The following PC variants were observed in gnomAD, a reference collection of about 807,000 sequenced individuals.
PC encodes the protein pyruvate carboxylase, also known as pyruvate carboxylase, mitochondrial.
A neutral mutation model predicts 107.8 loss-of-function variants in PC; 46 were observed. That is an observed-to-expected ratio of 0.43 (90% CI 0.34 to 0.55). The LOEUF is 0.55. Among genes scored for constraint, PC ranks in the 20% least tolerant of loss-of-function variants. The pLI is 0.04. For missense variants in PC, 1,241 were observed against 1,643.1 expected (o/e 0.76, Z 4.23); for synonymous variants, 662 against 684.7 (o/e 0.97, Z 0.52).
At chr11:66,924,369 CAAA>C (rs71045970) in intron 3 of PC, among the ~76,000 whole-genome samples, 3 of 65,558 alleles carry the variant, frequency 4.6e-5, no homozygotes, top group South Asian at 5.1e-4. Flanking sequence ...CCATCTCTAC[CAAA>C]AAAAAAAAAA....
intron 13 of PC, 86 bp downstream of exon 13, chr11:66,853,153 G>C (rs1945607008): frequency 6.6e-7 from 1 of 1,504,328 alleles, no homozygotes; most frequent in African/African-American, 1.4e-5. Context: ...GAGTTCTTTG[G>C]TCATGGGGAG....
At chr11:66,894,651 T>G (rs1035552890) in intron 3 of PC, among the ~76,000 whole-genome samples, 13 of 152,188 alleles carry the variant, frequency 8.5e-5, no homozygotes, top group Admixed American at 5.2e-4. Flanking sequence ...GCCAGGGAAC[T>G]GCAGCTCCAG....
At chr11:66,928,261 C>T (rs1004817318) in intron 3 of PC, among the ~76,000 whole-genome samples, 1 of 151,940 alleles carries the variant, frequency 6.6e-6, no homozygotes, top group African/African-American at 2.4e-5. Flanking sequence ...GTGGTGGACA[C>T]CTGTAGTCCC....
intron 3 of PC, among the ~76,000 whole-genome samples, chr11:66,909,447 C>A (rs1461299052): frequency 6.6e-6 from 1 of 152,214 alleles, no homozygotes; most frequent in African/African-American, 2.4e-5. Flanking sequence ...CTGCCGCTCC[C>A]CCCCGAAGAG....
chr11:66,859,536 C>T lies in PC; in HGVS notation c.1368+4238G>A, dbSNP rs1163652512. 27 of 1,557,692 alleles carry T rather than the reference C, an allele frequency of 1.7e-5. No individual in the cohort carries two copies. The East Asian group carries it at 5.4e-4, about 31-fold the overall frequency. On this transcript the variant is annotated intron_variant, in intron 12 of 22. Transcript: ENST00000393960. ...GAGTGAACCCAAGAGCCCGAGTGGC[C>T]CCAGGGGGAGGGGTGTTTGGAGCTG...
In PC at chr11:66,874,107, C is replaced by G. The variant is rs572129201; in HGVS notation, c.1-1948G>C. ...CCCGAGTAGCTGGAATTACAGGCAC[C>G]CGCCACCACGCCCAGCTAATTTTTG... On this transcript the variant is annotated intron_variant, in intron 3 of 22. Coordinates refer to ENST00000393960, the MANE Select transcript of PC (RefSeq NM_001040716.2). 3.9e-5 allele frequency among the ~76,000 whole-genome samples: 6 copies of G among 152,202 alleles called. No homozygotes were observed. In the South Asian group the frequency reaches 1.0e-3, roughly 26 times the overall value.
intron 3 of PC, among the ~76,000 whole-genome samples, chr11:66,873,384 A>AT (rs1362596861): frequency 9.4e-6 from 1 of 106,108 alleles, no homozygotes; most frequent in African/African-American, 3.7e-5. Context: ...TATAAAATAT[A>AT]AAATATTATA....
At chr11:66,896,647 C>T (rs1205057266) in intron 3 of PC, among the ~76,000 whole-genome samples, 4 of 152,236 alleles carry the variant, frequency 2.6e-5, no homozygotes, top group Non-Finnish European at 5.9e-5. Context: ...AAGCCTCACT[C>T]TTACTGATGA....
chr11:66,931,199 T>C (rs542377535), intron 3 of PC, among the ~76,000 whole-genome samples: 2 of 151,758 alleles, frequency 1.3e-5, no homozygotes, highest in Admixed American at 6.6e-5. Flanking sequence ...GCCAACATGG[T>C]GAAACTTCGT....
chr11:66,892,188 G>GAGGC (rs1947601028), intron 3 of PC, among the ~76,000 whole-genome samples: 1 of 152,148 alleles, frequency 6.6e-6, no homozygotes, highest in African/African-American at 2.4e-5. Context: ...ACAAGGCTGC[G>GAGGC]AGGCTCGGGT....
At chr11:66,917,271 C>T (rs7110671) in intron 3 of PC, among the ~76,000 whole-genome samples, 23 of 152,038 alleles carry the variant, frequency 1.5e-4, no homozygotes, top group African/African-American at 5.1e-4. Context: ...GGGGTTTCAT[C>T]GTGTTGGTGA....
At chr11:66,881,487 G>A (rs1017712053) in intron 3 of PC, among the ~76,000 whole-genome samples, 1 of 152,244 alleles carries the variant, frequency 6.6e-6, no homozygotes, top group East Asian at 1.9e-4. Context: ...CTTCCAGAAG[G>A]GAGTCAGGAA....
In PC at chr11:66,868,973, G is replaced by C. The variant is rs757930398; in HGVS notation, c.904-9C>G. 1.2e-6 allele frequency: 2 copies of C among 1,607,776 alleles called. No homozygotes were observed. The highest frequency in any genetic ancestry group is 8.5e-7 in the Non-Finnish European group (1 of 1,174,630). On this transcript the variant is annotated splice_polypyrimidine_tract_variant and intron_variant, in intron 9 of 22. Transcript: ENST00000393960. ...GCGTTCTCGTAGCCCACCTGTGGGG[G>C]CGGCCACGTGAGCAGGGGAGGGCAC...
At chr11:66,926,630 T>C (rs1265041239) in intron 3 of PC, among the ~76,000 whole-genome samples, 1 of 152,208 alleles carries the variant, frequency 6.6e-6, no homozygotes, top group Non-Finnish European at 1.5e-5. Context: ...GTTTTTAGCA[T>C]ATTTATAATG....
rs537581734 is a variant in PC at position 66,913,626 on chromosome 11, C to T, written c.-1+38804G>A. Among the ~76,000 whole-genome samples the T allele has an allele frequency of 1.7e-3, 252 of 148,172 alleles. 3 individuals are homozygous for T. Among genetic ancestry groups the T allele is most frequent in the South Asian group, 2.6e-3 (12 of 4,662 alleles). ...GCAGTGAGTCAAGGTCACGCCACTG[C>T]ACTTCAGCCTAGGCAACAAGAGAGA... On this transcript the variant is annotated intron_variant, in intron 3 of 22. Transcript: ENST00000393960.
At chr11:66,909,951 G>A (rs770551119) in intron 3 of PC, among the ~76,000 whole-genome samples, 5 of 152,090 alleles carry the variant, frequency 3.3e-5, no homozygotes, top group African/African-American at 4.8e-5. Flanking sequence ...CACTCACTGC[G>A]GCAGAGCAAC....
chr11:66,870,909 G>A lies in PC; in HGVS notation c.634-17C>T, dbSNP rs1398482500. 9 of 1,609,800 alleles carry A rather than the reference G, an allele frequency of 5.6e-6. No individual in the cohort carries two copies. Among genetic ancestry groups the A allele is most frequent in the Non-Finnish European group, 7.6e-6 (9 of 1,178,478 alleles). ...CTCCAGCTCCTGCGAGGGCGGGCAG[G>A]GGCCAGCCAGACCTCAGACCCCACA... On this transcript the variant is annotated splice_polypyrimidine_tract_variant and intron_variant, in intron 7 of 22. Transcript: ENST00000393960. This position sits in a 1 kb window ranked among gnomAD's most constrained non-coding sequence, Gnocchi z 6.1.
At position 66,866,383 on chromosome 11, in the gene PC, G is replaced by A. The variant is rs755125899; in HGVS notation, c.1023-34C>T. On this transcript the variant is annotated intron_variant, in intron 10 of 22. Coordinates refer to ENST00000393960, the MANE Select transcript of PC (RefSeq NM_001040716.2). This position sits in a 1 kb window ranked among gnomAD's most constrained non-coding sequence, Gnocchi z 5.4. ...CATTGGGGGGAGGGGGGAAAGGACG[G>A]GAGAAAGGGGGAAACATGAGGCGGG... 3 of 1,541,006 alleles carry A rather than the reference G, an allele frequency of 1.9e-6. No homozygotes were observed. The highest frequency in any genetic ancestry group is 1.4e-5 in the African/African-American group (1 of 73,348).
intron 3 of PC, among the ~76,000 whole-genome samples, chr11:66,911,076 G>A (rs559155033): frequency 9.7e-4 from 147 of 152,294 alleles, no homozygotes; most frequent in Non-Finnish European, 1.5e-3. Flanking sequence ...AAATACCTAC[G>A]AGAGTCTAGC....
Sources: gnomAD v4.1 joint callset for allele counts (sites outside exome capture counted in the v4.1 genomes callset) on GRCh38, gnomAD v4.1.1 for gene constraint, Gnocchi (gnomAD v3.1) non-coding constraint, MANE v1.5 for transcripts, NCBI Gene and HGNC (gene_info 2026-07-23, HGNC 2026-07-21) for gene names.